Variants in PRKG2 observed in about 807,000 individuals in gnomAD.
PRKG2 encodes cGMP-dependent protein kinase 2.
In PRKG2, 33 loss-of-function variants were observed where a neutral mutation model predicts 97.2. That is an observed-to-expected ratio of 0.34 (90% CI 0.26 to 0.45). The LOEUF (loss-of-function observed/expected upper bound fraction) is 0.45, where lower values mean the gene tolerates loss of function less well. Ranked by LOEUF, PRKG2 falls within the 20% of genes least tolerant of loss-of-function variation. PRKG2 has a pLI of 1.00. For missense variants in PRKG2, 638 were observed against 900.0 expected (o/e 0.71, Z 3.73); for synonymous variants, 330 against 321.8 (o/e 1.03, Z -0.27).
chr4:81,143,332 G>A (rs141000495), intron 10 of PRKG2, among the ~76,000 whole-genome samples: 2 of 152,234 alleles, frequency 1.3e-5, no homozygotes, highest in East Asian at 3.9e-4. Context: ...AGCAGTCAAT[G>A]AATGGGAATG....
rs1343487705 is a variant in PRKG2, at chr4:81,129,347, C to T, written c.1776+5808G>A. Among the ~76,000 whole-genome samples the T allele has an allele frequency of 3.3e-5, 5 of 152,208 alleles. No homozygotes were observed. The East Asian group carries it at 7.7e-4, about 24-fold the overall frequency. ...GGTCTGCTTGGTCCAGAGCTGACAGCAATTCCTGAATATTAAATATTCCAG... is the reference window on the plus strand; with the variant it reads ...GGTCTGCTTGGTCCAGAGCTGACAGTAATTCCTGAATATTAAATATTCCAG... On this transcript the variant is annotated intron_variant, in intron 14 of 18. Coordinates refer to ENST00000264399, the MANE Select transcript of PRKG2 (RefSeq NM_006259.3).
chr4:81,120,101 C>G (rs1744935124), intron 14 of PRKG2, among the ~76,000 whole-genome samples: 1 of 152,288 alleles, frequency 6.6e-6, no homozygotes, highest in Non-Finnish European at 1.5e-5. Context: ...GAAAACCTAA[C>G]TTAGGAGTAT....
chr4:81,103,301 C>T (rs1337325830), intron 17 of PRKG2, among the ~76,000 whole-genome samples: 1 of 151,864 alleles, frequency 6.6e-6, no homozygotes, highest in Non-Finnish European at 1.5e-5. Flanking sequence ...TAATGCTATC[C>T]CTCCCCGCTC....
At chr4:81,197,145 C>T (rs945500731) in intron 2 of PRKG2, among the ~76,000 whole-genome samples, 3 of 152,158 alleles carry the variant, frequency 2.0e-5, no homozygotes, top group Non-Finnish European at 4.4e-5. Flanking sequence ...ATGTTTCTCT[C>T]TTATCCAGCA....
At chr4:81,169,246 A>G (rs1454971280) in intron 5 of PRKG2, among the ~76,000 whole-genome samples, 1 of 152,092 alleles carries the variant, frequency 6.6e-6, no homozygotes, top group Non-Finnish European at 1.5e-5. Flanking sequence ...AGTCTCAGGT[A>G]AAGCAAATAA....
At chr4:81,126,635 G>A (rs1410052633) in intron 14 of PRKG2, among the ~76,000 whole-genome samples, 3 of 152,164 alleles carry the variant, frequency 2.0e-5, no homozygotes, top group Non-Finnish European at 4.4e-5. Flanking sequence ...CAGTGATGAT[G>A]AGCTTTCTTT....
intron 14 of PRKG2, among the ~76,000 whole-genome samples, chr4:81,113,201 A>G (rs1744156648): frequency 6.6e-6 from 1 of 152,110 alleles, no homozygotes; most frequent in Non-Finnish European, 1.5e-5. Flanking sequence ...CACAGAAATA[A>G]CTTCAGATTT....
At chr4:81,146,829 T>A (rs1027797279) in intron 9 of PRKG2, among the ~76,000 whole-genome samples, 1 of 152,164 alleles carries the variant, frequency 6.6e-6, no homozygotes, top group Non-Finnish European at 1.5e-5. Context: ...ATGAGAGCAT[T>A]ATTGTGGGAT....
At chr4:81,211,543 T>C (rs1277219531) in intron 1 of PRKG2, among the ~76,000 whole-genome samples, 1 of 152,188 alleles carries the variant, frequency 6.6e-6, no homozygotes, top group Non-Finnish European at 1.5e-5. Flanking sequence ...CACTAAGTTC[T>C]CTAGTTATGT....
intron 2 of PRKG2, among the ~76,000 whole-genome samples, chr4:81,184,414 G>A (rs1751696800): frequency 6.6e-6 from 1 of 152,080 alleles, no homozygotes; most frequent in Non-Finnish European, 1.5e-5. Flanking sequence ...CCTATTAGAA[G>A]GAAAACTAAC....
intron 18 of PRKG2, among the ~76,000 whole-genome samples, chr4:81,090,343 G>A (rs1741416238): frequency 6.6e-6 from 1 of 151,760 alleles, no homozygotes. Flanking sequence ...GGGTAACAGA[G>A]TGAGACTTTC....
At chr4:81,199,419 T>A (rs1753160544) in intron 2 of PRKG2, among the ~76,000 whole-genome samples, 1 of 152,194 alleles carries the variant, frequency 6.6e-6, no homozygotes, top group African/African-American at 2.4e-5. Context: ...CTGATTGTTA[T>A]CTTGAAAAAA....
At chr4:81,125,550 G>A (rs1024469400) in intron 14 of PRKG2, among the ~76,000 whole-genome samples, 1 of 152,116 alleles carries the variant, frequency 6.6e-6, no homozygotes, top group Admixed American at 6.6e-5. Flanking sequence ...GAATTTGGGG[G>A]CTATTAGGAA....
intron 2 of PRKG2, among the ~76,000 whole-genome samples, chr4:81,204,074 A>G (rs1441847492): frequency 6.6e-6 from 1 of 152,188 alleles, no homozygotes; most frequent in Non-Finnish European, 1.5e-5. Context: ...CTCTGTTTCT[A>G]TTCACTGAGG....
intron 17 of PRKG2, 66 bp downstream of exon 17, chr4:81,104,304 C>A: frequency 1.6e-6 from 2 of 1,233,196 alleles, no homozygotes; most frequent in Admixed American, 2.3e-5. Context: ...CTGAGAGAAG[C>A]TTTTGCAAGT....
intron 2 of PRKG2, among the ~76,000 whole-genome samples, chr4:81,179,571 A>G (rs571814733): frequency 1.3e-5 from 2 of 152,356 alleles, no homozygotes; most frequent in African/African-American, 2.4e-5. Flanking sequence ...AGAAGGAAGA[A>G]AGAGCAATGG....
At chr4:81,214,151 CT>C (rs1754151032) in intron 1 of PRKG2, among the ~76,000 whole-genome samples, 1 of 109,064 alleles carries the variant, frequency 9.2e-6, no homozygotes, top group African/African-American at 4.4e-5. Flanking sequence ...TGCTCTCTTC[CT>C]TAAAAAAAAA....
At chr4:81,113,020 T>C (rs1006201397) in intron 14 of PRKG2, among the ~76,000 whole-genome samples, 8 of 152,124 alleles carry the variant, frequency 5.3e-5, no homozygotes, top group African/African-American at 1.7e-4. Flanking sequence ...GTAAGAGAGC[T>C]CTGTAAGCAT....
At chr4:81,092,923 G>T (rs1027566924) in intron 17 of PRKG2, among the ~76,000 whole-genome samples, 3 of 152,064 alleles carry the variant, frequency 2.0e-5, no homozygotes, top group African/African-American at 7.2e-5. Context: ...TACTAGCAAG[G>T]AACCAGCCGT....
Sources: allele counts gnomAD v4.1 joint callset (sites outside exome capture counted in the v4.1 genomes callset), GRCh38; gene constraint gnomAD v4.1.1; transcripts MANE v1.5; gene names NCBI Gene and HGNC (gene_info 2026-07-23, HGNC 2026-07-21).